The following CCDC9 variants were observed in gnomAD, a reference collection of about 807,000 sequenced individuals.
The protein encoded by CCDC9 is coiled-coil domain-containing protein 9.
In CCDC9, 52 loss-of-function variants were observed where a neutral mutation model predicts 65.6. The observed-to-expected ratio is 0.79, with a 90% CI of 0.63 to 1.00. CCDC9 has a LOEUF of 1.00. Among genes scored for constraint, CCDC9 ranks in the 50% least tolerant of loss-of-function variants. CCDC9 has a pLI of 0.00. For missense variants in CCDC9, 834 were observed against 757.2 expected (o/e 1.10, Z -1.19); for synonymous variants, 332 against 280.3 (o/e 1.18, Z -1.84).
At position 47,270,685 on chromosome 19, in the gene CCDC9, A is replaced by G. The variant is rs543129639; in HGVS notation, c.1082A>G (p.Tyr361Cys). The stretch of plus-strand genomic sequence containing the variant: ...CAGGCCAAGGCAGCGCCCAGGGCCT[A>G]CAGGTGGGGCACCCCTTCTGCGGGC... ...RPQAKAAPRA[Y>C]SDHDDRWETK... Residue 361 changes from tyrosine (Y) to cysteine (C), a missense_variant, in exon 10 of 12, where the codon TAC becomes TGC. Coordinates refer to ENST00000221922, the MANE Select transcript of CCDC9 (RefSeq NM_015603.3). The G allele has an allele frequency of 2.5e-4, 395 of 1,610,406 alleles. 3 individuals are homozygous for G. The South Asian group carries it at 4.2e-3, about 17-fold the overall frequency.
intron 8 of CCDC9, among the ~76,000 whole-genome samples, chr19:47,268,812 G>A (rs2059098263): frequency 6.6e-6 from 1 of 151,988 alleles, no homozygotes; most frequent in Admixed American, 6.6e-5. Context: ...CAGCTACTCG[G>A]GAGGCTGAGG....
chr19:47,256,867 G>T (rs959240778), intron 1 of CCDC9, among the ~76,000 whole-genome samples: 6 of 152,096 alleles, frequency 3.9e-5, no homozygotes, highest in Non-Finnish European at 7.4e-5. Context: ...CTGTGGGCGG[G>T]GCCATAGTGT....
At chr19:47,273,320 T>A, downstream of CCDC9, 1 of 1,205,222 alleles carries the variant, frequency 8.3e-7, no homozygotes, top group Non-Finnish European at 1.0e-6. Context: ...GTGGGAAGAC[T>A]GCTCCCCTCC....
At position 47,271,178 on chromosome 19, in the gene CCDC9, A is replaced by G. The variant is rs2123481693; in HGVS notation, c.1182A>G (p.Thr394=). The G allele has an allele frequency of 6.2e-7, 1 of 1,600,682 alleles. No homozygotes were observed. The highest frequency in any genetic ancestry group is 8.5e-7 in the Non-Finnish European group (1 of 1,174,722). ...CCCCCGAGACTTCCCCCAAGGAGAC[A>G]CCCATGCAGGTGAGGCTGGGCTGTG... is the stretch of plus-strand genomic sequence containing the variant. ...PTSPETSPKE[T]PMQPPEIPAP... The change falls in exon 11 of 12, where the codon ACA becomes ACG. Residue 394 remains threonine (T), a synonymous_variant. Coordinates refer to ENST00000221922, the MANE Select transcript of CCDC9 (RefSeq NM_015603.3).
intron 1 of CCDC9, among the ~76,000 whole-genome samples, 152 bp downstream of exon 1, chr19:47,256,761 C>CG (rs2059012242): frequency 1.9e-4 from 1 of 5,208 alleles, no homozygotes. Context: ...GGGGCGCTGG[C>CG]GGGGCGGGCC....
chr19:47,272,069 G>T (rs943835884), downstream of CCDC9: 109 of 1,236,478 alleles, frequency 8.8e-5, no homozygotes, highest in Middle Eastern at 3.1e-4. Context: ...CCTTCCCTAG[G>T]AGGTGGCCAG....
intron 8 of CCDC9, among the ~76,000 whole-genome samples, chr19:47,269,349 T>A (rs960843132): frequency 2.6e-5 from 4 of 151,628 alleles, no homozygotes; most frequent in Admixed American, 1.3e-4. Context: ...TGTAATAATA[T>A]TATCTTTTTT....
At chr19:47,268,250 G>T (rs969170285) in intron 8 of CCDC9, among the ~76,000 whole-genome samples, 1 of 152,114 alleles carries the variant, frequency 6.6e-6, no homozygotes, top group Admixed American at 6.6e-5. Flanking sequence ...TCGTCATGGG[G>T]ACCAACTTCC....
At position 47,271,822 on chromosome 19, in the gene CCDC9, A is replaced by T; in HGVS notation, c.*144A>T. The T allele has an allele frequency of 7.0e-7, 1 of 1,429,862 alleles. No individual in the cohort carries two copies. Among genetic ancestry groups the T allele is most frequent in the Non-Finnish European group, 9.1e-7 (1 of 1,096,356 alleles). The allele number at this position is 1,429,862 out of a possible 1,614,324, so 88.6% of individuals were successfully genotyped here. A position where few individuals can be genotyped will look rare whatever the true frequency, so the allele number is the denominator to read the frequency against. On this transcript the variant is annotated 3_prime_UTR_variant, in exon 12 of 12. Transcript: ENST00000221922. ...GGCCCTGGGACCCAGTGTGCCCCAC[A>T]GCCCTGTCAGCTGAGGGGGTAGCGC... is the stretch of plus-strand genomic sequence containing the variant.
Position 47,260,371 on chromosome 19 carries a change from A to G in CCDC9, c.159A>G (p.Thr53=). ...CTGAACTTGAGGGAGTCGCAGTCAC[A>G]GCTCCCCGAAAGGGCCGCTCAGTGG... ...KKAELEGVAV[T]APRKGRSVEK... is the part of the protein sequence containing the mutation. Residue 53 remains threonine, a synonymous_variant, in exon 4 of 12, where the codon ACA becomes ACG. Transcript: ENST00000221922. 6.2e-7 allele frequency: 1 copy of G among 1,604,542 alleles called. No individual in the cohort carries two copies. Among genetic ancestry groups the G allele is most frequent in the Non-Finnish European group, 8.5e-7 (1 of 1,175,496 alleles).
chr19:47,272,112 C>T (rs1245806587), downstream of CCDC9: 3 of 1,235,956 alleles, frequency 2.4e-6, no homozygotes, highest in African/African-American at 3.1e-5. Flanking sequence ...GTGGGCCCAG[C>T]CTCCGAGGAA....
chr19:47,260,519 G>T lies in CCDC9; in HGVS notation c.211-69G>T, dbSNP rs899702662. ...GCCCCCAGCTGTCCTGCACCAGTGG[G>T]TGGCCTCCATCCTGGCCGCATGCCT... On this transcript the variant is annotated intron_variant, in intron 4 of 11. Coordinates refer to ENST00000221922, the MANE Select transcript of CCDC9 (RefSeq NM_015603.3). The T allele has an allele frequency of 2.5e-6, 4 of 1,587,154 alleles. No individual in the cohort carries two copies. The African/African-American group carries it at 4.0e-5, about 16-fold the overall frequency.
chr19:47,264,268 G>C (rs183386298), intron 5 of CCDC9, among the ~76,000 whole-genome samples: 8 of 152,306 alleles, frequency 5.3e-5, no homozygotes, highest in African/African-American at 1.9e-4. Context: ...CTCCTGCCTT[G>C]GCCTCCCAAA....
chr19:47,261,743 C>T (rs1010432164), intron 5 of CCDC9, among the ~76,000 whole-genome samples: 18 of 132,470 alleles, frequency 1.4e-4, no homozygotes, highest in Admixed American at 4.1e-4. Flanking sequence ...AAATGCTGGG[C>T]GTGGTGGCTC....
At chr19:47,271,245 C>T (rs903109023) in intron 11 of CCDC9, 29 bp from the exon 12 acceptor site, 7 of 1,609,934 alleles carry the variant, frequency 4.3e-6, no homozygotes, top group Middle Eastern at 1.7e-4. Flanking sequence ...GGACCTGTGC[C>T]TTGCCCTGAC....
Position 47,270,318 on chromosome 19 carries a change from C to T in CCDC9, c.903-89C>T, listed in dbSNP as rs562938022. 239 of 1,298,694 alleles carry T rather than the reference C, an allele frequency of 1.8e-4. 2 individuals are homozygous for T. Among genetic ancestry groups the T allele is most frequent in the South Asian group, 1.4e-3 (112 of 80,326 alleles). The allele number at this position is 1,298,694 out of a possible 1,614,324, so 80.4% of individuals were successfully genotyped here. A position where few individuals can be genotyped will look rare whatever the true frequency, so the allele number is the denominator to read the frequency against. ...TCTGGTTGACCGTCTGTCTCTGATC[C>T]GATTCCTGACCCTGACCTCTCCCAT... is the stretch of plus-strand genomic sequence containing the variant. On this transcript the variant is annotated intron_variant, in intron 8 of 11. Transcript: ENST00000221922.
chr19:47,257,417 T>C (rs1352240785), intron 1 of CCDC9: 1 of 75,212 alleles, frequency 1.3e-5, no homozygotes. Flanking sequence ...TAATGGCCCA[T>C]GGGTGGGGGC....
rs957177928 is a variant in CCDC9, at chr19:47,271,112, A to T, written c.1116A>T (p.Glu372Asp). 1 of 1,567,076 alleles carries T rather than the reference A, an allele frequency of 6.4e-7. No individual in the cohort carries two copies. Among genetic ancestry groups the T allele is most frequent in the African/African-American group, 1.4e-5 (1 of 73,156 alleles). ...SDHDDRWETKEGAASPAPETP... is the reference protein window; with the variant it reads ...SDHDDRWETKDGAASPAPETP... ...ATGATGACCGCTGGGAGACAAAAGA[A>T]GGGGCAGCATCCCCAGCCCCTGAGA... Residue 372 changes from glutamate (E) to aspartate (D), a missense_variant, in exon 11 of 12, where the codon GAA (glutamate) becomes GAT (aspartate). Transcript: ENST00000221922.
At chr19:47,260,982 C>G (rs1258147918) in intron 5 of CCDC9, 143 bp downstream of exon 5, 3 of 952,086 alleles carry the variant, frequency 3.2e-6, no homozygotes, top group Non-Finnish European at 4.5e-6. Context: ...CTCTGTTTCT[C>G]TCTTCCTCCA....
Sources: allele counts gnomAD v4.1 joint callset (sites outside exome capture counted in the v4.1 genomes callset), GRCh38; gene constraint gnomAD v4.1.1; transcripts MANE v1.5; gene names NCBI Gene and HGNC (gene_info 2026-07-23, HGNC 2026-07-21).